CCDC171: variants seen among roughly 807,000 people sequenced by gnomAD.
The protein encoded by CCDC171 is coiled-coil domain containing 171.
Under a neutral mutation model 168.2 loss-of-function variants are expected in CCDC171, and 177 were observed. The observed-to-expected ratio is 1.05, with a 90% CI of 0.93 to 1.19. The LOEUF (loss-of-function observed/expected upper bound fraction) is 1.19. CCDC171 is among the 50% of genes most tolerant of loss of function. The pLI is 0.00. For missense variants in CCDC171, 1,991 were observed against 1,539.0 expected (o/e 1.29, Z -4.91); for synonymous variants, 687 against 540.8 (o/e 1.27, Z -3.75).
chr9:15,786,868 G>A (rs887678839), intron 21 of CCDC171, among the ~76,000 whole-genome samples: 1 of 151,968 alleles, frequency 6.6e-6, no homozygotes, highest in South Asian at 2.1e-4. Context: ...CTCCCCTGCC[G>A]ACAACAGATA....
At chr9:15,662,049 G>C (rs1391538496) in intron 8 of CCDC171, among the ~76,000 whole-genome samples, 2 of 152,190 alleles carry the variant, frequency 1.3e-5, no homozygotes, top group African/African-American at 2.4e-5. Flanking sequence ...GGCTGAGGTG[G>C]GCAGATCACT....
chr9:15,870,682 C>T (rs1440930601), intron 23 of CCDC171, among the ~76,000 whole-genome samples: 1 of 151,176 alleles, frequency 6.6e-6, no homozygotes, highest in African/African-American at 2.4e-5. Flanking sequence ...TTAATTGGAA[C>T]ATAGAGTCCA....
chr9:15,588,784 T>C (rs1408631740), intron 4 of CCDC171, among the ~76,000 whole-genome samples: 1 of 148,926 alleles, frequency 6.7e-6, no homozygotes, highest in African/African-American at 2.5e-5. Context: ...CTCGGCTCAC[T>C]GCAAGCTCCA....
intron 24 of CCDC171, among the ~76,000 whole-genome samples, chr9:15,902,405 A>G (rs1421477696): frequency 6.6e-6 from 1 of 152,172 alleles, no homozygotes; most frequent in Non-Finnish European, 1.5e-5. Context: ...ATAATTGATT[A>G]ATTCAGGGAA....
intron 6 of CCDC171, among the ~76,000 whole-genome samples, chr9:16,033,442 A>T (rs1833402473): frequency 6.6e-6 from 1 of 152,186 alleles, no homozygotes; most frequent in Admixed American, 6.5e-5. Flanking sequence ...CCCTGTTGTA[A>T]ACCGCGCATG....
At chr9:15,843,546 A>G (rs1164876971) in intron 21 of CCDC171, among the ~76,000 whole-genome samples, 2 of 152,070 alleles carry the variant, frequency 1.3e-5, no homozygotes, top group Non-Finnish European at 2.9e-5. Context: ...TGCTGTTCTG[A>G]TAACTGAACC....
chr9:16,058,169 G>A (rs1364991798), intron 1 of CCDC171, among the ~76,000 whole-genome samples: 1 of 152,044 alleles, frequency 6.6e-6, no homozygotes, highest in Non-Finnish European at 1.5e-5. Context: ...ACCGATCTCT[G>A]GAACTCTCTC....
At chr9:15,980,356 C>T (rs1248045338) in intron 3 of CCDC171, among the ~76,000 whole-genome samples, 3 of 152,168 alleles carry the variant, frequency 2.0e-5, no homozygotes, top group Non-Finnish European at 4.4e-5. Context: ...TTAAGTTGGA[C>T]TCAAGTCAGA....
At chr9:15,844,810 G>A (rs1203807255) in intron 21 of CCDC171, among the ~76,000 whole-genome samples, 1 of 152,020 alleles carries the variant, frequency 6.6e-6, no homozygotes, top group African/African-American at 2.4e-5. Flanking sequence ...TATATGATAG[G>A]ATTGTTGAAA....
At chr9:15,996,260 T>C (rs1299934053) in intron 3 of CCDC171, among the ~76,000 whole-genome samples, 2 of 152,102 alleles carry the variant, frequency 1.3e-5, no homozygotes, top group Non-Finnish European at 2.9e-5. Flanking sequence ...GTAATGCACA[T>C]AGGTCTTGGC....
intron 7 of CCDC171, among the ~76,000 whole-genome samples, chr9:15,627,106 A>C (rs1334819465): frequency 6.6e-6 from 1 of 152,118 alleles, no homozygotes; most frequent in East Asian, 1.9e-4. Flanking sequence ...ATTTGCATAG[A>C]GGTGTTCATA....
chr9:15,786,479 GA>G (rs1564404355), intron 21 of CCDC171, among the ~76,000 whole-genome samples: 1 of 152,014 alleles, frequency 6.6e-6, no homozygotes, highest in African/African-American at 2.4e-5. Flanking sequence ...AAATATAACT[GA>G]ATATAGGTTA....
At chr9:16,063,363 G>T (rs1833957334), downstream of CCDC171, among the ~76,000 whole-genome samples, 1 of 152,120 alleles carries the variant, frequency 6.6e-6, no homozygotes, top group South Asian at 2.1e-4. Flanking sequence ...TAACTCTCTG[G>T]CTCCCACTCT....
intron 3 of CCDC171, among the ~76,000 whole-genome samples, chr9:15,997,845 A>C (rs1163975065): frequency 6.6e-6 from 1 of 152,138 alleles, no homozygotes; most frequent in East Asian, 1.9e-4. Flanking sequence ...TGGATCACCC[A>C]GGTTTAACAC....
At chr9:15,858,176 C>A (rs2061417891) in intron 23 of CCDC171, among the ~76,000 whole-genome samples, 1 of 151,820 alleles carries the variant, frequency 6.6e-6, no homozygotes. Context: ...CACCACCATG[C>A]CTGGCTAATT....
At chr9:15,685,823 G>C (rs1164562892) in intron 10 of CCDC171, among the ~76,000 whole-genome samples, 1 of 152,030 alleles carries the variant, frequency 6.6e-6, no homozygotes, top group Admixed American at 6.5e-5. Context: ...CTTTCTACTG[G>C]CTATATTATT....
Position 15,695,292 on chromosome 9 carries a change from G to C in CCDC171, c.1273G>C (p.Glu425Gln). ...ETCENNVKEL[E>Q]SILDSFTVSG... Reference sequence around the variant, plus strand: ...ATGTGAAAATAACGTGAAAGAATTGGAATCGATCTTGGACAGCTTTACTGT... The same window carrying C: ...ATGTGAAAATAACGTGAAAGAATTGCAATCGATCTTGGACAGCTTTACTGT... Residue 425 changes from glutamate (E) to glutamine (Q), a missense_variant, in exon 11 of 26, where the codon GAA (glutamate) becomes CAA (glutamine). Glu to Gln is a conservative substitution (Grantham distance 29). Coordinates refer to ENST00000380701, the MANE Select transcript of CCDC171 (RefSeq NM_173550.4). 6.2e-7 allele frequency: 1 copy of C among 1,614,120 alleles called. No homozygotes were observed.
intron 23 of CCDC171, among the ~76,000 whole-genome samples, chr9:15,871,509 C>T (rs1372747854): frequency 1.3e-5 from 2 of 151,800 alleles, no homozygotes; most frequent in African/African-American, 4.8e-5. Flanking sequence ...TCTAATATTA[C>T]TTCAAAACTT....
chr9:15,773,167 C>CT (rs1449948911), intron 18 of CCDC171, among the ~76,000 whole-genome samples: 1 of 152,118 alleles, frequency 6.6e-6, no homozygotes, highest in Non-Finnish European at 1.5e-5. Flanking sequence ...ATTGCTCTCT[C>CT]TTCCACATAA....
Sources: allele counts gnomAD v4.1 joint callset (sites outside exome capture counted in the v4.1 genomes callset), GRCh38; gene constraint gnomAD v4.1.1; transcripts MANE v1.5; gene names NCBI Gene and HGNC (gene_info 2026-07-23, HGNC 2026-07-21).